CLIC5: variants seen among roughly 807,000 people sequenced by gnomAD.
CLIC5 encodes the protein chloride intracellular channel protein 5.
A neutral mutation model predicts 24.7 loss-of-function variants in CLIC5; 20 were observed. That is an observed-to-expected ratio of 0.81 (90% confidence interval 0.57 to 1.18). The LOEUF is 1.18. Ranked by LOEUF, CLIC5 falls within the 50% of genes most tolerant of loss-of-function variation. The pLI is 0.00. For synonymous variants in CLIC5, 159 were observed against 135.6 expected (o/e 1.17, Z -1.20); for missense variants, 341 against 326.1 (o/e 1.05, Z -0.35).
chr6:46,064,428 A>C (rs1409250123), intron 1 of CLIC5, among the ~76,000 whole-genome samples: 1 of 152,154 alleles, frequency 6.6e-6, no homozygotes, highest in Non-Finnish European at 1.5e-5. Flanking sequence ...TTCCCATCTC[A>C]TTCTAGGTGG....
chr6:46,067,325 C>CA (rs1456553612), intron 1 of CLIC5, among the ~76,000 whole-genome samples: 1 of 151,848 alleles, frequency 6.6e-6, no homozygotes, highest in South Asian at 2.1e-4. Flanking sequence ...AATGGGAGTT[C>CA]AAAAAATGAC....
chr6:46,000,702 T>A (rs1039359292), intron 1 of CLIC5, among the ~76,000 whole-genome samples: 1 of 152,048 alleles, frequency 6.6e-6, no homozygotes, highest in Non-Finnish European at 1.5e-5. Context: ...GCAGGGGAAA[T>A]GCCAGACACT....
At chr6:45,934,226 A>C (rs1429012125) in intron 4 of CLIC5, 1 of 152,178 alleles carries the variant, frequency 6.6e-6, no homozygotes, top group Non-Finnish European at 1.5e-5. Context: ...TAGCTCACCC[A>C]GGGCTCCATT....
intron 1 of CLIC5, among the ~76,000 whole-genome samples, chr6:45,973,764 C>T (rs1426400188): frequency 2.6e-5 from 4 of 152,032 alleles, no homozygotes; most frequent in Non-Finnish European, 5.9e-5. Flanking sequence ...TGGTTAAACC[C>T]CATCTCTACT....
At chr6:45,999,667 G>A (rs1429287496) in intron 1 of CLIC5, among the ~76,000 whole-genome samples, 1 of 151,768 alleles carries the variant, frequency 6.6e-6, no homozygotes, top group Non-Finnish European at 1.5e-5. Flanking sequence ...AAGATGAGGA[G>A]GATGAAGACT....
chr6:46,024,851 G>A (rs1030965943), intron 1 of CLIC5, among the ~76,000 whole-genome samples: 8 of 152,224 alleles, frequency 5.3e-5, no homozygotes, highest in African/African-American at 1.7e-4. Context: ...CAATCTTGAG[G>A]TGAATAAAAA....
chr6:45,931,971 T>C (rs1763754329), intron 4 of CLIC5, among the ~76,000 whole-genome samples: 1 of 152,136 alleles, frequency 6.6e-6, no homozygotes, highest in Non-Finnish European at 1.5e-5. Flanking sequence ...GTATTTAAAA[T>C]AATAGTGTCG....
chr6:46,038,735 C>A (rs62400490), intron 1 of CLIC5, among the ~76,000 whole-genome samples: 2,024 of 152,252 alleles, frequency 0.013, 17 homozygotes, highest in Non-Finnish European at 0.019. Flanking sequence ...TGGGGACATG[C>A]CTTTCTGAAA....
chr6:46,107,282 T>A, the CLIC5 span, among the ~76,000 whole-genome samples: 2 of 152,220 alleles, frequency 1.3e-5, no homozygotes, highest in Non-Finnish European at 2.9e-5. Context: ...TTTATGTTTT[T>A]GGATTTCAGC....
the CLIC5 span, among the ~76,000 whole-genome samples, chr6:46,101,628 G>T: frequency 5.2e-3 from 794 of 152,212 alleles, 6 homozygotes; most frequent in Non-Finnish European, 8.5e-3. Flanking sequence ...GTGGAGATTT[G>T]GCTATTATCT....
intron 1 of CLIC5, among the ~76,000 whole-genome samples, chr6:46,006,015 TACAC>T (rs370744621): frequency 4.3e-5 from 6 of 137,982 alleles, no homozygotes; most frequent in African/African-American, 1.6e-4. Flanking sequence ...TATATATATA[TACAC>T]ACATGTATAA....
the CLIC5 span, among the ~76,000 whole-genome samples, chr6:46,117,923 C>T: frequency 3.1e-4 from 47 of 152,236 alleles, no homozygotes; most frequent in South Asian, 8.9e-3. Context: ...AGGGTGTATT[C>T]TGGATTCAGT....
At chr6:45,917,000 C>G (rs556465334) in intron 4 of CLIC5, among the ~76,000 whole-genome samples, 20 of 152,292 alleles carry the variant, frequency 1.3e-4, no homozygotes, top group African/African-American at 4.8e-4. Flanking sequence ...AATCTCAAGG[C>G]CGCCCAGGGT....
At chr6:46,084,323 G>A (rs1246771026), upstream of CLIC5, among the ~76,000 whole-genome samples, 7 of 152,146 alleles carry the variant, frequency 4.6e-5, no homozygotes, top group Non-Finnish European at 1.0e-4. Flanking sequence ...TCATTATGAT[G>A]TTAGCTGGTT....
At chr6:46,007,392 G>A (rs1208106641) in intron 1 of CLIC5, among the ~76,000 whole-genome samples, 1 of 152,138 alleles carries the variant, frequency 6.6e-6, no homozygotes, top group African/African-American at 2.4e-5. Flanking sequence ...CCAGGAAACT[G>A]CTGAGTCTTC....
intron 4 of CLIC5, among the ~76,000 whole-genome samples, chr6:45,935,694 C>G (rs1005671451): frequency 1.3e-5 from 2 of 152,208 alleles, no homozygotes; most frequent in East Asian, 3.8e-4. Context: ...ATGTGGGTTC[C>G]TGATCCAGTT....
At chr6:46,053,492 C>T (rs1768161347) in intron 1 of CLIC5, among the ~76,000 whole-genome samples, 1 of 152,168 alleles carries the variant, frequency 6.6e-6, no homozygotes, top group South Asian at 2.1e-4. Context: ...TGCACAACCT[C>T]ATATTGCTCA....
intron 1 of CLIC5, among the ~76,000 whole-genome samples, chr6:45,978,806 C>T (rs192407121): frequency 4.1e-4 from 62 of 152,132 alleles, no homozygotes; most frequent in African/African-American, 1.3e-3. Flanking sequence ...AAACATTAGC[C>T]GGGCATGGTG....
At chr6:46,082,995 G>C (rs373967251), upstream of CLIC5, among the ~76,000 whole-genome samples, 8 of 152,228 alleles carry the variant, frequency 5.3e-5, no homozygotes, top group South Asian at 1.7e-3. Context: ...TATATATGTT[G>C]AATGAATACG....
Sources: gnomAD v4.1 joint callset for allele counts (sites outside exome capture counted in the v4.1 genomes callset) on GRCh38, gnomAD v4.1.1 for gene constraint, MANE v1.5 for transcripts, NCBI Gene and HGNC (gene_info 2026-07-23, HGNC 2026-07-21) for gene names.